Variants in SLC35F1 observed in about 807,000 individuals in gnomAD.
SLC35F1 encodes the protein solute carrier family 35 member F1.
Under a neutral mutation model 48.7 loss-of-function variants are expected in SLC35F1, and 14 were observed. The observed-to-expected ratio is 0.29, with a 90% confidence interval of 0.19 to 0.45. SLC35F1 has a LOEUF of 0.45. Among genes scored for constraint, SLC35F1 ranks in the 20% least tolerant of loss-of-function variants. The probability of loss-of-function intolerance (pLI) is 1.00; values close to 1 mark genes in which losing one functional copy is unlikely to be tolerated. For missense variants in SLC35F1, 404 were observed against 500.0 expected (o/e 0.81, Z 1.83); for synonymous variants, 190 against 202.2 (o/e 0.94, Z 0.51).
chr6:117,931,388 G>A (rs913423456), intron 1 of SLC35F1, among the ~76,000 whole-genome samples: 1 of 152,170 alleles, frequency 6.6e-6, no homozygotes, highest in Non-Finnish European at 1.5e-5. Flanking sequence ...TGATAAACCT[G>A]CAGCTGGTCA....
At chr6:118,217,656 C>T (rs1184646106) in intron 2 of SLC35F1, among the ~76,000 whole-genome samples, 1 of 152,122 alleles carries the variant, frequency 6.6e-6, no homozygotes, top group Non-Finnish European at 1.5e-5. Flanking sequence ...ATGGAAAAAA[C>T]AATAATCATT....
chr6:117,936,412 C>T (rs1034075919), intron 1 of SLC35F1, among the ~76,000 whole-genome samples: 1 of 152,178 alleles, frequency 6.6e-6, no homozygotes, highest in African/African-American at 2.4e-5. Context: ...TACTGGCCCA[C>T]TTCCCTAGGA....
At position 118,048,076 on chromosome 6, in the gene SLC35F1, G is replaced by C. The variant is rs567938416; in HGVS notation, c.174-106369G>C. Among the ~76,000 whole-genome samples the C allele has an allele frequency of 3.3e-5, 5 of 152,260 alleles. No homozygotes were observed. The East Asian group carries it at 9.6e-4, about 29-fold the overall frequency. On this transcript the variant is annotated intron_variant, in intron 1 of 7. Coordinates refer to ENST00000360388, the MANE Select transcript of SLC35F1 (RefSeq NM_001029858.4). Reference sequence around the variant, plus strand: ...ATCCCATCAATACCTAATTTATTGAGAGTTTTTAGCATGAAGCGTTGTTGA... The same window carrying C: ...ATCCCATCAATACCTAATTTATTGACAGTTTTTAGCATGAAGCGTTGTTGA...
chr6:118,305,172 G>A (rs536472623), intron 7 of SLC35F1, among the ~76,000 whole-genome samples: 10 of 148,230 alleles, frequency 6.7e-5, no homozygotes, highest in African/African-American at 2.0e-4. Flanking sequence ...AATCTACAAG[G>A]AAGACCCAGC....
intron 2 of SLC35F1, among the ~76,000 whole-genome samples, chr6:118,175,342 C>G (rs939903900): frequency 6.6e-6 from 1 of 151,996 alleles, no homozygotes; most frequent in Non-Finnish European, 1.5e-5. Flanking sequence ...ACTTGTCAAG[C>G]CTTTTCTGTT....
chr6:118,127,373 T>A (rs1442796384), intron 1 of SLC35F1, among the ~76,000 whole-genome samples: 1 of 152,002 alleles, frequency 6.6e-6, no homozygotes, highest in Non-Finnish European at 1.5e-5. Context: ...TGCTGCTGGA[T>A]TCGGTTTGCC....
chr6:118,089,425 T>A lies in SLC35F1; in HGVS notation c.174-65020T>A, dbSNP rs187842393. Among the ~76,000 whole-genome samples, 18 of 152,340 alleles carry A rather than the reference T, an allele frequency of 1.2e-4. No individual in the cohort carries two copies. In the East Asian group the frequency reaches 3.5e-3, roughly 29 times the overall value. The stretch of plus-strand genomic sequence containing the variant: ...GTTCCAACAAGTCATTCAGCATCTA[T>A]GAGCCTTTTGCTAAAGGAATTAGAT... On this transcript the variant is annotated intron_variant, in intron 1 of 7. Coordinates refer to ENST00000360388, the MANE Select transcript of SLC35F1 (RefSeq NM_001029858.4).
chr6:118,107,050 T>C (rs747126087), intron 1 of SLC35F1, among the ~76,000 whole-genome samples: 9 of 152,222 alleles, frequency 5.9e-5, no homozygotes, highest in Non-Finnish European at 8.8e-5. Context: ...TATTACTTAA[T>C]TCTGGTTTTC....
At chr6:118,013,946 A>T (rs920729070) in intron 1 of SLC35F1, among the ~76,000 whole-genome samples, 1 of 152,214 alleles carries the variant, frequency 6.6e-6, no homozygotes, top group African/African-American at 2.4e-5. Context: ...GTTGGGTGTT[A>T]TACAAATTCA....
At chr6:118,143,157 A>G (rs1017777722) in intron 1 of SLC35F1, among the ~76,000 whole-genome samples, 1 of 152,214 alleles carries the variant, frequency 6.6e-6, no homozygotes, top group African/African-American at 2.4e-5. Context: ...ATGAAATTTG[A>G]CATGGGTTTT....
chr6:118,099,622 G>A (rs1342693889), intron 1 of SLC35F1, among the ~76,000 whole-genome samples: 1 of 152,080 alleles, frequency 6.6e-6, no homozygotes, highest in African/African-American at 2.4e-5. Context: ...AATAGAGTCA[G>A]AGCAACAAGG....
At chr6:118,296,091 G>A (rs1380341726) in intron 7 of SLC35F1, among the ~76,000 whole-genome samples, 1 of 152,160 alleles carries the variant, frequency 6.6e-6, no homozygotes, top group Non-Finnish European at 1.5e-5. Context: ...TCTAGTGCAG[G>A]AGTCAGAAAA....
At chr6:118,092,528 G>A (rs1773090366) in intron 1 of SLC35F1, among the ~76,000 whole-genome samples, 1 of 152,210 alleles carries the variant, frequency 6.6e-6, no homozygotes, top group South Asian at 2.1e-4. Flanking sequence ...TAGTAGAGCT[G>A]TGAGAAGAGG....
intron 1 of SLC35F1, among the ~76,000 whole-genome samples, chr6:118,000,737 CA>C (rs1484818998): frequency 2.0e-5 from 3 of 152,192 alleles, no homozygotes; most frequent in Non-Finnish European, 4.4e-5. Context: ...AGCTGATAAG[CA>C]ACTTCAGCTA....
chr6:118,159,135 G>T (rs1024628062), intron 2 of SLC35F1, among the ~76,000 whole-genome samples: 4 of 150,084 alleles, frequency 2.7e-5, no homozygotes, highest in African/African-American at 7.4e-5. Context: ...GCAGGAGATT[G>T]GCGTGAACCT....
At chr6:118,186,581 A>C (rs1774659994) in intron 2 of SLC35F1, among the ~76,000 whole-genome samples, 1 of 152,152 alleles carries the variant, frequency 6.6e-6, no homozygotes, top group African/African-American at 2.4e-5. Flanking sequence ...ATTTTGACTA[A>C]GTTTACTGGG....
chr6:118,186,329 CTA>C (rs1414466228), intron 2 of SLC35F1, among the ~76,000 whole-genome samples: 3 of 152,118 alleles, frequency 2.0e-5, no homozygotes, highest in African/African-American at 7.2e-5. Flanking sequence ...ACTTTCTACT[CTA>C]TGAGAGTAAA....
At chr6:118,038,034 A>C (rs1772159770) in intron 1 of SLC35F1, among the ~76,000 whole-genome samples, 1 of 152,186 alleles carries the variant, frequency 6.6e-6, no homozygotes, top group Admixed American at 6.5e-5. Flanking sequence ...CTTAAAGTAA[A>C]ATAAAAAAAA....
chr6:118,112,586 G>C (rs1049745506), intron 1 of SLC35F1, among the ~76,000 whole-genome samples: 1 of 152,144 alleles, frequency 6.6e-6, no homozygotes, highest in South Asian at 2.1e-4. Context: ...TTTGAGGTCT[G>C]CATCAGGACC....
Sources: gnomAD v4.1 joint callset for allele counts (sites outside exome capture counted in the v4.1 genomes callset) on GRCh38, gnomAD v4.1.1 for gene constraint, MANE v1.5 for transcripts, NCBI Gene and HGNC (gene_info 2026-07-23, HGNC 2026-07-21) for gene names.